GRIP1: variants seen among roughly 807,000 people sequenced by gnomAD.
The protein encoded by GRIP1 is glutamate receptor interacting protein 1, also known as glutamate receptor-interacting protein 1.
GRIP1 carries 45 observed loss-of-function variants against 129.9 expected under a neutral mutation model. The observed-to-expected ratio is 0.35, with a 90% CI of 0.27 to 0.44. The LOEUF (loss-of-function observed/expected upper bound fraction) is 0.44. GRIP1 is among the 20% of genes least tolerant of loss of function. The pLI is 1.00. For synonymous variants in GRIP1, 530 were observed against 520.8 expected (o/e 1.02, Z -0.24); for missense variants, 1,196 against 1,396.8 (o/e 0.86, Z 2.29).
intron 1 of GRIP1, among the ~76,000 whole-genome samples, chr12:66,785,169 A>T (rs543801083): frequency 1.3e-4 from 20 of 151,722 alleles, no homozygotes; most frequent in Middle Eastern, 6.8e-3. Flanking sequence ...TGAAGAAAAA[A>T]GGTTGAGGGC....
At chr12:67,025,145 C>T (rs144132038) in intron 1 of GRIP1, among the ~76,000 whole-genome samples, 2,007 of 152,272 alleles carry the variant, frequency 0.013, 45 homozygotes, top group African/African-American at 0.046. Context: ...TAGAGACCAG[C>T]CTGGCCAACA....
intron 2 of GRIP1, among the ~76,000 whole-genome samples, chr12:66,569,700 T>C (rs2062890660): frequency 1.3e-5 from 2 of 152,026 alleles, no homozygotes. Context: ...AGCAAGAAAG[T>C]AATTTGCAAG....
At chr12:66,829,132 A>T (rs2039470879) in intron 1 of GRIP1, among the ~76,000 whole-genome samples, 1 of 152,190 alleles carries the variant, frequency 6.6e-6, no homozygotes, top group Non-Finnish European at 1.5e-5. Flanking sequence ...CTCTTACATG[A>T]TCTTGAGAAA....
chr12:66,816,839 T>C (rs1422090273), intron 1 of GRIP1, among the ~76,000 whole-genome samples: 4 of 152,126 alleles, frequency 2.6e-5, no homozygotes, highest in Admixed American at 6.5e-5. Flanking sequence ...AGATCCTCAG[T>C]CCCATTTGCT....
chr12:66,623,199 T>C (rs1199090739), intron 1 of GRIP1, among the ~76,000 whole-genome samples: 1 of 152,196 alleles, frequency 6.6e-6, no homozygotes, highest in Non-Finnish European at 1.5e-5. Flanking sequence ...CATTTAGAGA[T>C]ATAGCCTAAG....
intron 15 of GRIP1, among the ~76,000 whole-genome samples, chr12:66,414,063 C>G (rs2057496115): frequency 6.6e-6 from 1 of 152,020 alleles, no homozygotes; most frequent in Non-Finnish European, 1.5e-5. Context: ...TCTCATCACT[C>G]CTATTTAACA....
chr12:66,843,534 G>A (rs1048005939), intron 1 of GRIP1, among the ~76,000 whole-genome samples: 1 of 152,042 alleles, frequency 6.6e-6, no homozygotes, highest in Admixed American at 6.5e-5. Context: ...CAAATCTGAA[G>A]ATCTCACACT....
At chr12:66,736,335 G>A (rs1284681483) in intron 1 of GRIP1, among the ~76,000 whole-genome samples, 4 of 102,752 alleles carry the variant, frequency 3.9e-5, no homozygotes, top group Admixed American at 1.1e-4. Flanking sequence ...GTGCACCACC[G>A]TGCCTGGCTA....
chr12:66,970,540 CTTTTTT>C (rs3051201), intron 1 of GRIP1, among the ~76,000 whole-genome samples: 1 of 129,772 alleles, frequency 7.7e-6, no homozygotes, highest in Non-Finnish European at 1.6e-5. Flanking sequence ...CCTCTAGTGT[CTTTTTT>C]TTTTTTTTTT....
intron 7 of GRIP1, among the ~76,000 whole-genome samples, chr12:66,480,136 T>C (rs1179349420): frequency 1.3e-5 from 2 of 152,180 alleles, no homozygotes; most frequent in Non-Finnish European, 2.9e-5. Context: ...ATTGTGTCTG[T>C]TTGCAGATGA....
chr12:66,890,577 C>T (rs2040641970), intron 1 of GRIP1, among the ~76,000 whole-genome samples: 1 of 151,958 alleles, frequency 6.6e-6, no homozygotes, highest in African/African-American at 2.4e-5. Flanking sequence ...ACACAACATT[C>T]GAAAGTACTA....
chr12:66,821,473 T>G (rs1166451546), intron 1 of GRIP1, among the ~76,000 whole-genome samples: 1 of 152,136 alleles, frequency 6.6e-6, no homozygotes, highest in Non-Finnish European at 1.5e-5. Context: ...CATCTTGCTT[T>G]GTGATGTAAG....
intron 1 of GRIP1, among the ~76,000 whole-genome samples, chr12:66,917,315 T>C (rs1406582026): frequency 6.6e-6 from 1 of 152,202 alleles, no homozygotes; most frequent in Non-Finnish European, 1.5e-5. Flanking sequence ...GCCTAATACA[T>C]TTATTTCAAA....
At chr12:66,433,466 C>G (rs1281664475) in intron 13 of GRIP1, among the ~76,000 whole-genome samples, 1 of 152,144 alleles carries the variant, frequency 6.6e-6, no homozygotes, top group African/African-American at 2.4e-5. Flanking sequence ...GGCTCAGATA[C>G]TGGCCAGTCA....
chr12:66,392,427 G>C lies in GRIP1; in HGVS notation c.2345C>G (p.Ser782Cys). The change falls in exon 19 of 25, where the codon TCC becomes TGC. Residue 782 changes from serine (S) to cysteine (C), a missense_variant. Transcript: ENST00000359742. ...LSDLGDVEED[S>C]SPAQKPGKLS... ...CTTGCCTGGCTTCTGTGCTGGTGAGGAGTCCTCCTCCACATCCCCCAGGTC... is the reference window on the plus strand; with the variant it reads ...CTTGCCTGGCTTCTGTGCTGGTGAGCAGTCCTCCTCCACATCCCCCAGGTC... The C allele has an allele frequency of 6.2e-7, 1 of 1,614,024 alleles. No individual in the cohort carries two copies. Among genetic ancestry groups the C allele is most frequent in the Non-Finnish European group, 8.5e-7 (1 of 1,179,906 alleles).
chr12:66,482,160 C>T (rs1178118075), intron 7 of GRIP1, among the ~76,000 whole-genome samples: 1 of 152,132 alleles, frequency 6.6e-6, no homozygotes, highest in Admixed American at 6.5e-5. Flanking sequence ...AAAAATTACT[C>T]AAGCATGTCA....
At chr12:66,957,211 T>C (rs1204475699) in intron 1 of GRIP1, among the ~76,000 whole-genome samples, 3 of 152,030 alleles carry the variant, frequency 2.0e-5, no homozygotes, top group Non-Finnish European at 4.4e-5. Context: ...GGGGAGAAGA[T>C]ACATGAAGAC....
intron 2 of GRIP1, among the ~76,000 whole-genome samples, chr12:66,588,733 G>A (rs1213537438): frequency 6.6e-5 from 10 of 152,054 alleles, no homozygotes; most frequent in Admixed American, 2.0e-4. Flanking sequence ...CACTTTGGGA[G>A]GCCGAGGCAG....
chr12:66,982,447 G>GT (rs1458906834), intron 1 of GRIP1, among the ~76,000 whole-genome samples: 2 of 152,130 alleles, frequency 1.3e-5, no homozygotes, highest in Non-Finnish European at 2.9e-5. Flanking sequence ...CAAAAGTGTT[G>GT]TAACTTTGCT....
Sources: gnomAD v4.1 joint callset for allele counts (sites outside exome capture counted in the v4.1 genomes callset) on GRCh38, gnomAD v4.1.1 for gene constraint, MANE v1.5 for transcripts, NCBI Gene and HGNC (gene_info 2026-07-23, HGNC 2026-07-21) for gene names.